The following CHD2 variants were observed in gnomAD, a reference collection of about 807,000 sequenced individuals.
CHD2 encodes ATP-dependent chromatin remodeler CHD2.
CHD2 carries 28 observed loss-of-function variants against 243.9 expected under a neutral mutation model. That is an observed-to-expected ratio of 0.11 (90% CI 0.09 to 0.16). The LOEUF (loss-of-function observed/expected upper bound fraction) is 0.16, where lower values mean the gene tolerates loss of function less well. Among genes scored for constraint, CHD2 ranks in the 10% least tolerant of loss-of-function variants. The pLI is 1.00. For missense variants in CHD2, 1,386 were observed against 2,209.8 expected, an observed-to-expected ratio of 0.63 and a Z score of 7.47; for synonymous variants, 775 against 779.0, an observed-to-expected ratio of 0.99 and a Z score of 0.09.
At chr15:92,948,702 G>A (rs1193365783) in intron 12 of CHD2, among the ~76,000 whole-genome samples, 1 of 152,078 alleles carries the variant, frequency 6.6e-6, no homozygotes, top group African/African-American at 2.4e-5. Flanking sequence ...GTGGGTGGTG[G>A]CGGGCGCCTG....
At chr15:92,928,922 A>T in intron 4 of CHD2, 108 bp from the exon 5 acceptor site, 1 of 955,852 alleles carries the variant, frequency 1.0e-6, no homozygotes, top group Non-Finnish European at 1.5e-6. Flanking sequence ...CTAAAAGCTC[A>T]TATTGAATAA....
At chr15:92,937,230 C>A (rs894781871) in intron 5 of CHD2, among the ~76,000 whole-genome samples, 1 of 152,004 alleles carries the variant, frequency 6.6e-6, no homozygotes, top group African/African-American at 2.4e-5. Context: ...AAGCACTGAT[C>A]TTGTGCATGT....
chr15:92,980,992 T>G, intron 23 of CHD2, 81 bp downstream of exon 23: 1 of 944,554 alleles, frequency 1.1e-6, no homozygotes, highest in Non-Finnish European at 1.7e-6. Flanking sequence ...AAGATTCTGT[T>G]AGAGGCTTTT....
chr15:93,019,987 C>G (rs779851269), intron 37 of CHD2, 25 bp from the exon 38 acceptor site: 1 of 1,598,374 alleles, frequency 6.3e-7, no homozygotes, highest in South Asian at 1.1e-5. Flanking sequence ...TTGCAGTCAT[C>G]AGATCATTCT....
intron 2 of CHD2, among the ~76,000 whole-genome samples, chr15:92,911,099 G>C (rs2052726156): frequency 6.6e-6 from 1 of 152,212 alleles, no homozygotes; most frequent in African/African-American, 2.4e-5. Flanking sequence ...ACTTCCTTAT[G>C]TGGTGCATGA....
Position 92,974,868 on chromosome 15 carries a change from T to G in CHD2, c.2506-11T>G, listed in dbSNP as rs376323635. On this transcript the variant is annotated splice_polypyrimidine_tract_variant and intron_variant, in intron 19 of 38. Transcript: ENST00000394196. ...CCTATCTTACAGTTTTCTTGTGGTT[T>G]ATTTTTACAGCGTCTGGATGGTTCC... 5.2e-5 allele frequency: 84 copies of G among 1,613,166 alleles called. No homozygotes were observed. Among genetic ancestry groups the G allele is most frequent in the Middle Eastern group, 1.6e-4 (1 of 6,078 alleles).
chr15:93,011,388 G>A (rs964022233), intron 35 of CHD2, among the ~76,000 whole-genome samples: 2 of 152,232 alleles, frequency 1.3e-5, no homozygotes, highest in Admixed American at 6.5e-5. Context: ...GAGCTGAGTC[G>A]AATTGCTGAG....
chr15:92,975,715 T>G (rs2053898386), intron 20 of CHD2, among the ~76,000 whole-genome samples: 1 of 152,086 alleles, frequency 6.6e-6, no homozygotes, highest in South Asian at 2.1e-4. Context: ...TCTGAAGAGC[T>G]TTAAAAACTC....
Position 92,924,320 on chromosome 15 carries a change from G to A in CHD2, c.63-1G>A. ...TAAATCTCTCTCTCTCTCAAAATAA[G>A]TCACTCAGCCTCTGAAGAAGCTTCG... On this transcript the variant is annotated splice_acceptor_variant, in intron 2 of 38. Transcript: ENST00000394196. LOFTEE classifies it high-confidence loss of function. 6.2e-7 allele frequency: 1 copy of A among 1,612,802 alleles called. No individual in the cohort carries two copies. The highest frequency in any genetic ancestry group is 8.5e-7 in the Non-Finnish European group (1 of 1,179,336).
Position 92,919,321 on chromosome 15 carries a change from C to T in CHD2, c.63-5000C>T, listed in dbSNP as rs180685985. On this transcript the variant is annotated intron_variant, in intron 2 of 38. Coordinates refer to ENST00000394196, the MANE Select transcript of CHD2 (RefSeq NM_001271.4). ...CTTTGTTAAGGCTTTTTTTTTTCTT[C>T]TTTAAGCAGTTCCCCTCATTAGTAC... Among the ~76,000 whole-genome samples the T allele has an allele frequency of 2.9e-4, 44 of 149,790 alleles. 1 individual carries two copies. The highest frequency in any genetic ancestry group is 3.4e-3 in the Middle Eastern group (1 of 294).
chr15:92,953,650 A>G, intron 14 of CHD2, 77 bp downstream of exon 14: 3 of 1,294,546 alleles, frequency 2.3e-6, no homozygotes, highest in South Asian at 1.2e-5. Flanking sequence ...CCTTCAGTAG[A>G]TCATCAGTAA....
Position 92,940,841 on chromosome 15 carries a change from AATAT to A in CHD2, c.693-975_693-972del, listed in dbSNP as rs926978587. On this transcript the variant is annotated intron_variant, in intron 7 of 38. Transcript: ENST00000394196. ...TATATAAATATTATAAATATATAAA[AATAT>A]ATATAAATATATAAATATATAAAAA... Among the ~76,000 whole-genome samples the A allele has an allele frequency of 3.2e-3, 426 of 134,396 alleles. 1 individual carries two copies. The highest frequency in any genetic ancestry group is 0.011 in the Middle Eastern group (3 of 262). The allele number at this position is 134,396 out of a possible 152,430, so 88.2% of individuals were successfully genotyped here.
chr15:92,935,441 T>G (rs1006789681), intron 5 of CHD2, among the ~76,000 whole-genome samples: 1 of 152,222 alleles, frequency 6.6e-6, no homozygotes, highest in African/African-American at 2.4e-5. Context: ...ATCCATTCTC[T>G]GTGTTTGCTG....
chr15:92,917,330 G>C (rs1596373542), intron 2 of CHD2, among the ~76,000 whole-genome samples: 2 of 152,162 alleles, frequency 1.3e-5, no homozygotes, highest in African/African-American at 4.8e-5. Flanking sequence ...AGGCCAAGGC[G>C]GGCAGATTAC....
chr15:92,989,231 C>G (rs1015455075), intron 26 of CHD2, among the ~76,000 whole-genome samples: 1 of 151,994 alleles, frequency 6.6e-6, no homozygotes, highest in Non-Finnish European at 1.5e-5. Flanking sequence ...AGGGTTTCAC[C>G]ATGTTGGCCA....
At chr15:92,913,922 T>C (rs186745157) in intron 2 of CHD2, among the ~76,000 whole-genome samples, 2 of 152,300 alleles carry the variant, frequency 1.3e-5, no homozygotes, top group African/African-American at 4.8e-5. Context: ...AGTAATAAAG[T>C]TGAGTCCCTT....
intron 13 of CHD2, among the ~76,000 whole-genome samples, chr15:92,950,982 T>G (rs1258605197): frequency 2.0e-5 from 3 of 152,126 alleles, no homozygotes; most frequent in African/African-American, 4.8e-5. Context: ...TTAAAAATGA[T>G]TTTTCCTTTT....
intron 2 of CHD2, among the ~76,000 whole-genome samples, chr15:92,914,278 T>G (rs533466192): frequency 7.2e-4 from 110 of 152,316 alleles, no homozygotes; most frequent in African/African-American, 2.5e-3. Flanking sequence ...CACAGCTTGG[T>G]TATTTACAAA....
intron 31 of CHD2, among the ~76,000 whole-genome samples, chr15:92,999,244 A>G (rs1434753933): frequency 1.3e-5 from 2 of 151,672 alleles, no homozygotes; most frequent in African/African-American, 4.9e-5. Flanking sequence ...TCTTTATCCT[A>G]CTTTCTCAAT....
Sources: gnomAD v4.1 joint callset for allele counts (sites outside exome capture counted in the v4.1 genomes callset) on GRCh38, gnomAD v4.1.1 for gene constraint, MANE v1.5 for transcripts, NCBI Gene and HGNC (gene_info 2026-07-23, HGNC 2026-07-21) for gene names.